SGTB: variants seen among roughly 807,000 people sequenced by gnomAD.
The protein encoded by SGTB is small glutamine rich tetratricopeptide repeat co-chaperone beta.
A neutral mutation model predicts 43.9 loss-of-function variants in SGTB; 19 were observed. That is an observed-to-expected ratio of 0.43 (90% CI 0.30 to 0.63). The LOEUF (loss-of-function observed/expected upper bound fraction) is 0.63, where lower values mean the gene tolerates loss of function less well. Among genes scored for constraint, SGTB ranks in the 30% least tolerant of loss-of-function variants. The probability of loss-of-function intolerance (pLI) is 0.12; values close to 1 mark genes in which losing one functional copy is unlikely to be tolerated. For synonymous variants in SGTB, 116 were observed against 117.3 expected (o/e 0.99, Z 0.07); for missense variants, 304 against 358.9 (o/e 0.85, Z 1.24).
At chr5:65,676,786 C>A (rs62367744) in intron 8 of SGTB, among the ~76,000 whole-genome samples, 5,607 of 152,100 alleles carry the variant, frequency 0.037, 142 homozygotes, top group Non-Finnish European at 0.056. Context: ...AACAAAGATA[C>A]AACATACCAG....
At chr5:65,675,400 C>T (rs956064843) in intron 8 of SGTB, among the ~76,000 whole-genome samples, 1 of 152,182 alleles carries the variant, frequency 6.6e-6, no homozygotes, top group Non-Finnish European at 1.5e-5. Flanking sequence ...TAGTTTTTAA[C>T]CTTTCATATA....
chr5:65,670,167 G>T lies in SGTB; in HGVS notation c.*79C>A. On this transcript the variant is annotated 3_prime_UTR_variant, in exon 11 of 11. Coordinates refer to ENST00000381007, the MANE Select transcript of SGTB (RefSeq NM_019072.3). ...TATGGTGTTTGGTTTTTTGAAGGAG[G>T]GAGGGGGTACTATCTACAACAAATA... 8.0e-7 allele frequency: 1 copy of T among 1,247,490 alleles called. No homozygotes were observed. Among genetic ancestry groups the T allele is most frequent in the South Asian group, 1.3e-5 (1 of 75,522 alleles). 77.3% of individuals were successfully genotyped at this position (1,247,490 alleles called of 1,614,324 possible).
Position 65,685,383 on chromosome 5 carries a change from GC to G in SGTB, c.463del (p.Ala155ProfsTer12). 6.2e-7 allele frequency: 1 copy of G among 1,613,992 alleles called. No homozygotes were observed. The highest frequency in any genetic ancestry group is 8.5e-7 in the Non-Finnish European group (1 of 1,179,974). ...AIAIDSKYSK[A>X]YGRMGLALTA... ...CAGAACTTACCCCATTCTCCCATAG[GC>G]CTTGCTGTACTTTGAATCAATTGCT... On this transcript the variant is annotated frameshift_variant, in exon 6 of 11. Transcript: ENST00000381007. LOFTEE classifies it high-confidence loss of function.
At chr5:65,672,988 A>C (rs1160681397) in intron 8 of SGTB, among the ~76,000 whole-genome samples, 1 of 152,194 alleles carries the variant, frequency 6.6e-6, no homozygotes, top group Non-Finnish European at 1.5e-5. Flanking sequence ...ATAAGTGCTA[A>C]AGGCATTACA....
In SGTB at chr5:65,712,943, A is replaced by C. The variant is rs1758070472; in HGVS notation, c.204+18T>G. The C allele has an allele frequency of 1.3e-6, 2 of 1,588,626 alleles. No homozygotes were observed. ...TGTAGTCATATCAGTTAATAATGAG[A>C]AAATAATGACAACATACCTTACAGA... is the stretch of plus-strand genomic sequence containing the variant. On this transcript the variant is annotated intron_variant, in intron 3 of 10. Coordinates refer to ENST00000381007, the MANE Select transcript of SGTB (RefSeq NM_019072.3).
intron 5 of SGTB, among the ~76,000 whole-genome samples, chr5:65,691,835 G>T (rs889355238): frequency 1.3e-5 from 2 of 151,164 alleles, no homozygotes; most frequent in African/African-American, 4.8e-5. Context: ...GGAGGCCGAC[G>T]CAGGAGAATG....
At chr5:65,717,867 T>C (rs776222057) in intron 2 of SGTB, among the ~76,000 whole-genome samples, 15 of 152,070 alleles carry the variant, frequency 9.9e-5, no homozygotes, top group Non-Finnish European at 1.9e-4. Flanking sequence ...GTGTGAGTAG[T>C]TGGGCACAAA....
intron 4 of SGTB, among the ~76,000 whole-genome samples, chr5:65,705,190 C>T (rs1757906104): frequency 6.6e-6 from 1 of 152,126 alleles, no homozygotes. Context: ...TGCCTGTAAT[C>T]CCAACACTTT....
chr5:65,718,759 T>C (rs995885387), intron 2 of SGTB, among the ~76,000 whole-genome samples: 5 of 152,138 alleles, frequency 3.3e-5, no homozygotes, highest in Admixed American at 6.5e-5. Flanking sequence ...TCAAAAACAA[T>C]TGGCACCCTT....
At chr5:65,716,157 C>T (rs761086397) in intron 2 of SGTB, among the ~76,000 whole-genome samples, 1 of 152,164 alleles carries the variant, frequency 6.6e-6, no homozygotes, top group Non-Finnish European at 1.5e-5. Context: ...GGGGTGTTAG[C>T]ATTATCTGTG....
intron 5 of SGTB, among the ~76,000 whole-genome samples, chr5:65,699,669 A>T (rs573641071): frequency 6.6e-6 from 1 of 152,314 alleles, no homozygotes; most frequent in South Asian, 2.1e-4. Context: ...ATTTCATCAC[A>T]TTGGCCAGGA....
rs1242009273 is a variant in SGTB at position 65,683,573 on chromosome 5, G to A, written c.479+1795C>T. 3.9e-5 allele frequency among the ~76,000 whole-genome samples: 6 copies of A among 152,142 alleles called. No individual in the cohort carries two copies. In the East Asian group the frequency reaches 1.2e-3, roughly 29 times the overall value. ...ATTGTTTAGAGATGGTAGAGAGGAA[G>A]AACAAGCAAGGGAGACTGGAAAAGA... On this transcript the variant is annotated intron_variant, in intron 6 of 10. Transcript: ENST00000381007.
At chr5:65,679,873 C>T (rs973065515) in intron 8 of SGTB, among the ~76,000 whole-genome samples, 8 of 152,184 alleles carry the variant, frequency 5.3e-5, no homozygotes, top group African/African-American at 1.9e-4. Flanking sequence ...CGTATGTTCA[C>T]TGCAGCACTA....
intron 4 of SGTB, among the ~76,000 whole-genome samples, chr5:65,706,332 T>C (rs924151450): frequency 6.6e-6 from 1 of 152,206 alleles, no homozygotes; most frequent in Non-Finnish European, 1.5e-5. Context: ...TTCTGGGTTA[T>C]TGAGACTTTG....
upstream of SGTB, chr5:65,722,332 G>A (rs768308786): frequency 4.2e-5 from 64 of 1,515,234 alleles, no homozygotes; most frequent in Non-Finnish European, 5.2e-5. Flanking sequence ...GCCCCACGCC[G>A]AAGGACCACG....
intron 8 of SGTB, among the ~76,000 whole-genome samples, chr5:65,674,647 G>A (rs774316833): frequency 8.5e-5 from 13 of 152,236 alleles, no homozygotes; most frequent in Admixed American, 2.0e-4. Flanking sequence ...CCTTTTTTAT[G>A]AGTCACAAAA....
chr5:65,708,299 T>C (rs1757973595), intron 4 of SGTB, among the ~76,000 whole-genome samples, 190 bp downstream of exon 4: 1 of 152,212 alleles, frequency 6.6e-6, no homozygotes, highest in Admixed American at 6.5e-5. Flanking sequence ...AAGCCGTAAC[T>C]GTACTGCCCA....
rs375985377 is a variant in SGTB at position 65,678,213 on chromosome 5, C to T, written c.681+2281G>A. On this transcript the variant is annotated intron_variant, in intron 8 of 10. Coordinates refer to ENST00000381007, the MANE Select transcript of SGTB (RefSeq NM_019072.3). ...TCCTACATACCAACAACAGGCAAGT[C>T]GAAAGTCAAATCACAAATGAACTCG... Among the ~76,000 whole-genome samples the T allele has an allele frequency of 2.8e-4, 43 of 151,982 alleles. 1 individual carries two copies. The East Asian group carries it at 4.5e-3, about 16-fold the overall frequency.
intron 5 of SGTB, among the ~76,000 whole-genome samples, chr5:65,688,583 A>G (rs988159073): frequency 6.6e-6 from 1 of 152,224 alleles, no homozygotes; most frequent in Non-Finnish European, 1.5e-5. Context: ...ACACTTGCTA[A>G]ACACCTTCAG....
Sources: gnomAD v4.1 joint callset for allele counts (sites outside exome capture counted in the v4.1 genomes callset) on GRCh38, gnomAD v4.1.1 for gene constraint, MANE v1.5 for transcripts, NCBI Gene and HGNC (gene_info 2026-07-23, HGNC 2026-07-21) for gene names.